BARD1: variants seen among roughly 807,000 people sequenced by gnomAD.
BARD1 encodes BRCA1-associated RING domain protein 1.
In BARD1, 73 loss-of-function variants were observed where a neutral mutation model predicts 77.0. That is an observed-to-expected ratio of 0.95 (90% CI 0.79 to 1.15). BARD1 has a LOEUF of 1.15. Among genes scored for constraint, BARD1 ranks in the 50% most tolerant of loss-of-function variants. BARD1 has a pLI of 0.00. For missense variants in BARD1, 993 were observed against 938.8 expected (o/e 1.06, Z -0.75); for synonymous variants, 384 against 338.0 (o/e 1.14, Z -1.49).
intron 9 of BARD1, chr2:214,731,109 C>A: frequency 8.7e-6 from 2 of 229,528 alleles, no homozygotes; most frequent in Non-Finnish European, 1.8e-5. Context: ...GGTTGCTAGT[C>A]TAGAGATGAT....
intron 3 of BARD1, among the ~76,000 whole-genome samples, chr2:214,786,265 T>C (rs964577423): frequency 6.6e-6 from 1 of 150,882 alleles, no homozygotes; most frequent in African/African-American, 2.5e-5. Context: ...TTCTTACGTT[T>C]TGGGGAATAA....
chr2:214,785,826 G>C (rs763939816), intron 3 of BARD1, among the ~76,000 whole-genome samples: 14 of 151,976 alleles, frequency 9.2e-5, no homozygotes, highest in Non-Finnish European at 1.9e-4. Context: ...ATGATTTCAT[G>C]CTGCCTGACA....
intron 9 of BARD1, among the ~76,000 whole-genome samples, chr2:214,743,742 C>T (rs1396835622): frequency 1.3e-5 from 2 of 152,146 alleles, no homozygotes; most frequent in African/African-American, 4.8e-5. Context: ...TGCCACCACG[C>T]CTGGCTCATT....
intron 3 of BARD1, among the ~76,000 whole-genome samples, chr2:214,789,812 G>C (rs921503344): frequency 3.3e-5 from 5 of 152,098 alleles, no homozygotes; most frequent in Admixed American, 1.3e-4. Flanking sequence ...ATCTAAACAG[G>C]GAACTTCAAC....
intron 9 of BARD1, among the ~76,000 whole-genome samples, chr2:214,735,353 A>C (rs1023042467): frequency 2.0e-5 from 3 of 152,262 alleles, no homozygotes; most frequent in South Asian, 4.1e-4. Flanking sequence ...TGAAAAGAGG[A>C]GGTAAAGTAT....
At chr2:214,797,170 C>A in intron 1 of BARD1, 53 bp from the exon 2 acceptor site, 1 of 1,385,794 alleles carries the variant, frequency 7.2e-7, no homozygotes, top group Non-Finnish European at 1.0e-6. Context: ...AGATAAACAT[C>A]TCACACCCAA....
chr2:214,780,967 C>G lies in BARD1; in HGVS notation c.907G>C (p.Val303Leu), dbSNP rs375048835. Reference sequence around the variant, plus strand: ...TTAGATGTAAGATAATTTTTGCAGACCTTCTCAGGAGTCACTACTTCATTC... The same window carrying G: ...TTAGATGTAAGATAATTTTTGCAGAGCTTCTCAGGAGTCACTACTTCATTC... The part of the protein sequence containing the change: ...SRNEVVTPEK[V>L]CKNYLTSKKS... The change falls in exon 4 of 11, where the codon GTC becomes CTC. Residue 303 changes from valine (V) to leucine (L), a missense_variant. By Grantham distance (32) the Val-to-Leu change is conservative. Transcript: ENST00000260947. The G allele has an allele frequency of 3.7e-6, 6 of 1,613,500 alleles. No homozygotes were observed. The African/African-American group carries it at 6.7e-5, about 18-fold the overall frequency.
In BARD1 at chr2:214,728,867, G is replaced by A. The variant is rs1553612164; in HGVS notation, c.2143C>T (p.Gln715Ter). 6.2e-7 allele frequency: 1 copy of A among 1,614,194 alleles called. No individual in the cohort carries two copies. Among genetic ancestry groups the A allele is most frequent in the Non-Finnish European group, 8.5e-7 (1 of 1,180,034 alleles). The change falls in exon 11 of 11, where the codon CAG becomes TAG. Residue 715 changes from glutamine (Q) to a stop codon, truncating the protein, a stop_gained. Coordinates refer to ENST00000260947, the MANE Select transcript of BARD1 (RefSeq NM_000465.4). LOFTEE classifies it high-confidence loss of function. Reference sequence around the variant, plus strand: ...TGGTATGCGACTGTATTGATGGTCTGAGTCACGTCACTGTCTGGCTTGGGC... The same window carrying A: ...TGGTATGCGACTGTATTGATGGTCTAAGTCACGTCACTGTCTGGCTTGGGC... ...RKPKPDSDVT[Q>*]TINTVAYHAR...
chr2:214,756,799 T>C (rs1693714615), intron 6 of BARD1, among the ~76,000 whole-genome samples: 1 of 152,064 alleles, frequency 6.6e-6, no homozygotes, highest in Non-Finnish European at 1.5e-5. Flanking sequence ...GGCATAAGAA[T>C]GACACAACAG....
At chr2:214,748,797 C>G (rs1427809852) in intron 7 of BARD1, among the ~76,000 whole-genome samples, 2 of 151,986 alleles carry the variant, frequency 1.3e-5, no homozygotes, top group African/African-American at 4.8e-5. Context: ...CCCAATGACG[C>G]TACCAAGCAC....
chr2:214,745,611 C>T (rs1693066174), intron 8 of BARD1, 111 bp downstream of exon 8: 3 of 1,340,890 alleles, frequency 2.2e-6, no homozygotes, highest in South Asian at 1.2e-5. Context: ...GCAAAGTATA[C>T]AGCCATCTCC....
At chr2:214,729,842 G>A (rs1692270177) in intron 10 of BARD1, among the ~76,000 whole-genome samples, 1 of 152,050 alleles carries the variant, frequency 6.6e-6, no homozygotes, top group Non-Finnish European at 1.5e-5. Flanking sequence ...CCAACCTAAG[G>A]TCTCCAGGGC....
In BARD1 at chr2:214,794,597, A is replaced by G. The variant is rs148428776; in HGVS notation, c.216-2152T>C. On this transcript the variant is annotated intron_variant, in intron 2 of 10. Coordinates refer to ENST00000260947, the MANE Select transcript of BARD1 (RefSeq NM_000465.4). ...TATTTTTAAATTAATTTTTTTAAAA[A>G]GTCTCAGTTTTGTACGGTAAATGCA... Among the ~76,000 whole-genome samples the G allele has an allele frequency of 1.6e-4, 25 of 152,270 alleles. No individual in the cohort carries two copies. In the East Asian group the frequency reaches 4.8e-3, roughly 29 times the overall value.
intron 9 of BARD1, among the ~76,000 whole-genome samples, chr2:214,733,788 A>C (rs898911677): frequency 6.6e-6 from 1 of 152,190 alleles, no homozygotes; most frequent in African/African-American, 2.4e-5. Context: ...TAAAGATATT[A>C]AGGATGCCAC....
chr2:214,774,359 T>A (rs1240456824), intron 4 of BARD1, among the ~76,000 whole-genome samples: 1 of 152,180 alleles, frequency 6.6e-6, no homozygotes, highest in Non-Finnish European at 1.5e-5. Flanking sequence ...CCTTACAAAA[T>A]GCTTAAGTAA....
intron 2 of BARD1, 82 bp downstream of exon 2, chr2:214,796,979 C>G: frequency 9.4e-7 from 1 of 1,068,212 alleles, no homozygotes; most frequent in Non-Finnish European, 1.5e-6. Context: ...ACATCAAGTA[C>G]CATTATTATC....
intron 9 of BARD1, among the ~76,000 whole-genome samples, chr2:214,732,687 A>C (rs1171900262): frequency 6.6e-6 from 1 of 152,122 alleles, no homozygotes; most frequent in Admixed American, 6.5e-5. Flanking sequence ...GAACCACCAC[A>C]CCTTGCTGAC....
chr2:214,808,703 G>T (rs200584555), intron 1 of BARD1, among the ~76,000 whole-genome samples: 1 of 26,992 alleles, frequency 3.7e-5, no homozygotes, highest in Non-Finnish European at 9.7e-5. Context: ...AAAAAAGCAA[G>T]AAGTAACACT....
rs1463082550 is a variant in BARD1, at chr2:214,728,973, C to T, written c.2037G>A (p.Leu679=). Residue 679 remains leucine (L), a synonymous_variant, in exon 11 of 11, where the codon TTG becomes TTA. Transcript: ENST00000260947. ...PKLFDGCYFY[L]WGTFKHHPKD... is the part of the protein sequence containing the mutation. ...TTGGATGGTGTTTGAAGGTTCCCCACAAATAGAAGTAGCATCCATCAAACA... is the reference window on the plus strand; with the variant it reads ...TTGGATGGTGTTTGAAGGTTCCCCATAAATAGAAGTAGCATCCATCAAACA... 1.9e-6 allele frequency: 3 copies of T among 1,614,050 alleles called. No homozygotes were observed. The East Asian group carries it at 6.7e-5, about 36-fold the overall frequency.
Sources: allele counts gnomAD v4.1 joint callset (sites outside exome capture counted in the v4.1 genomes callset), GRCh38; gene constraint gnomAD v4.1.1; transcripts MANE v1.5; gene names NCBI Gene and HGNC (gene_info 2026-07-23, HGNC 2026-07-21).